Variants in RGS8 observed in about 807,000 individuals in gnomAD.
RGS8 encodes the protein regulator of G protein signaling 8, also known as regulator of G-protein signaling 8.
RGS8 carries 8 observed loss-of-function variants against 21.7 expected under a neutral mutation model. The ratio of observed to expected loss-of-function variants is 0.37; its 90% CI spans 0.22 to 0.66. The LOEUF is 0.66. Ranked by LOEUF, RGS8 falls within the 30% of genes least tolerant of loss-of-function variation. The probability of loss-of-function intolerance (pLI) is 0.59; values close to 1 mark genes in which losing one functional copy is unlikely to be tolerated. For missense variants in RGS8, 157 were observed against 217.9 expected, an observed-to-expected ratio of 0.72 and a Z score of 1.76; for synonymous variants, 80 against 83.6, an observed-to-expected ratio of 0.96 and a Z score of 0.24.
intron 2 of RGS8, 121 bp from the exon 4 acceptor site, chr1:182,669,873 A>C: frequency 3.5e-6 from 4 of 1,141,576 alleles, no homozygotes; most frequent in Non-Finnish European, 4.7e-6. Context: ...CCAGCCCCAC[A>C]AATGTCCACT....
the RGS8 span, among the ~76,000 whole-genome samples, chr1:182,730,363 C>T: frequency 1.3e-5 from 2 of 152,092 alleles, no homozygotes; most frequent in South Asian, 2.1e-4. Context: ...CACACCCTAT[C>T]GCACTAGGAG....
At chr1:182,700,666 T>G in the RGS8 span, among the ~76,000 whole-genome samples, 112 of 152,336 alleles carry the variant, frequency 7.4e-4, 1 homozygote, top group African/African-American at 2.5e-3. Flanking sequence ...TTTGTTAGAG[T>G]TCTCATTCTA....
At chr1:182,717,096 C>T in the RGS8 span, among the ~76,000 whole-genome samples, 3 of 152,168 alleles carry the variant, frequency 2.0e-5, no homozygotes, top group African/African-American at 4.8e-5. Context: ...GCTCTGTGAC[C>T]TTGGACATTC....
the RGS8 span, among the ~76,000 whole-genome samples, chr1:182,715,921 AAGGAGGAT>A: frequency 1.3e-5 from 2 of 152,154 alleles, no homozygotes; most frequent in Non-Finnish European, 2.9e-5. Flanking sequence ...CTTGATATCC[AAGGAGGAT>A]AGGTTCTTTC....
chr1:182,685,415 G>A (rs921688889), upstream of RGS8, among the ~76,000 whole-genome samples: 1 of 152,250 alleles, frequency 6.6e-6, no homozygotes, highest in Non-Finnish European at 1.5e-5. Context: ...CCATGCACAT[G>A]AGGCAGGTTC....
chr1:182,669,549 A>C (rs1664048132), intron 3 of RGS8, 75 bp downstream of exon 4: 1 of 1,609,612 alleles, frequency 6.2e-7, no homozygotes, highest in Admixed American at 1.7e-5. Flanking sequence ...GCCAGACTCA[A>C]ATAACAGAGG....
chr1:182,661,627 T>C (rs1373253382), intron 5 of RGS8, among the ~76,000 whole-genome samples: 1 of 152,046 alleles, frequency 6.6e-6, no homozygotes, highest in African/African-American at 2.4e-5. Context: ...GACTTAATGT[T>C]CCACTAAAAG....
the RGS8 span, among the ~76,000 whole-genome samples, chr1:182,699,776 C>T: frequency 1.3e-5 from 2 of 152,310 alleles, no homozygotes; most frequent in African/African-American, 4.8e-5. Flanking sequence ...GCCTTCCTGG[C>T]AGGATGGATA....
chr1:182,656,629 T>C (rs1663293682), intron 5 of RGS8, among the ~76,000 whole-genome samples: 1 of 152,112 alleles, frequency 6.6e-6, no homozygotes, highest in African/African-American at 2.4e-5. Flanking sequence ...GCCCAAAATG[T>C]GGTGGCCTGC....
the RGS8 span, among the ~76,000 whole-genome samples, chr1:182,741,775 G>C: frequency 3.8e-5 from 4 of 105,102 alleles, no homozygotes; most frequent in South Asian, 3.0e-4. Flanking sequence ...CCTCCCTCCC[G>C]GACGGGGCGG....
the RGS8 span, among the ~76,000 whole-genome samples, chr1:182,698,770 C>T: frequency 7.9e-5 from 12 of 152,294 alleles, no homozygotes; most frequent in Non-Finnish European, 1.5e-4. Context: ...AAGAAAAGGG[C>T]AGAGTTGCCC....
intron 1 of RGS8, among the ~76,000 whole-genome samples, chr1:182,678,035 A>G (rs1664424492): frequency 6.6e-6 from 1 of 152,252 alleles, no homozygotes; most frequent in Non-Finnish European, 1.5e-5. Context: ...ATACAGTGCA[A>G]TTGAGAAAAT....
upstream of RGS8, among the ~76,000 whole-genome samples, chr1:182,676,118 C>G (rs1664345760): frequency 6.6e-6 from 1 of 152,168 alleles, no homozygotes; most frequent in African/African-American, 2.4e-5. Context: ...CAAACTAACC[C>G]AATAGCCTGG....
At chr1:182,642,517 A>T (rs1193150819), downstream of RGS8, 1 of 152,256 alleles carries the variant, frequency 6.6e-6, no homozygotes, top group Non-Finnish European at 1.5e-5. Flanking sequence ...AGTAGACACC[A>T]TGTTAGCGGC....
chr1:182,668,292 G>A (rs1663974781), intron 3 of RGS8, among the ~76,000 whole-genome samples: 1 of 152,216 alleles, frequency 6.6e-6, no homozygotes, highest in African/African-American at 2.4e-5. Flanking sequence ...GGACTTAAGA[G>A]TGACTTAGAA....
the RGS8 span, among the ~76,000 whole-genome samples, chr1:182,716,405 T>C: frequency 6.6e-6 from 1 of 152,038 alleles, no homozygotes; most frequent in Non-Finnish European, 1.5e-5. Flanking sequence ...GGATTACAGG[T>C]GTGAGCCACC....
the RGS8 span, among the ~76,000 whole-genome samples, chr1:182,742,622 G>A: frequency 1.3e-5 from 2 of 152,196 alleles, no homozygotes; most frequent in Admixed American, 6.5e-5. Flanking sequence ...GCCTGCAATC[G>A]CAGGCACTCG....
chr1:182,746,202 T>C, the RGS8 span, among the ~76,000 whole-genome samples: 1 of 152,182 alleles, frequency 6.6e-6, no homozygotes, highest in Non-Finnish European at 1.5e-5. Flanking sequence ...TTTCTGATCA[T>C]CCACCAATCC....
intron 2 of RGS8, among the ~76,000 whole-genome samples, 164 bp from the exon 4 acceptor site, chr1:182,669,916 A>G (rs962366812): frequency 1.3e-5 from 2 of 152,240 alleles, no homozygotes; most frequent in African/African-American, 2.4e-5. Flanking sequence ...CCAAGGATGG[A>G]CAAGAACAAA....
Sources: gnomAD v4.1 joint callset for allele counts (sites outside exome capture counted in the v4.1 genomes callset) on GRCh38, gnomAD v4.1.1 for gene constraint, MANE v1.5 for transcripts, NCBI Gene and HGNC (gene_info 2026-07-23, HGNC 2026-07-21) for gene names.